The following SLC8A1 variants were observed in gnomAD, a reference collection of about 807,000 sequenced individuals.
The protein encoded by SLC8A1 is solute carrier family 8 member A1.
Under a neutral mutation model 68.3 loss-of-function variants are expected in SLC8A1, and 18 were observed. That is an observed-to-expected ratio of 0.26 (90% CI 0.18 to 0.39). The LOEUF is 0.39. Among genes scored for constraint, SLC8A1 ranks in the 10% least tolerant of loss-of-function variants. SLC8A1 has a pLI of 1.00. For synonymous variants in SLC8A1, 475 were observed against 415.5 expected (o/e 1.14, Z -1.74); for missense variants, 985 against 1,156.7 (o/e 0.85, Z 2.15).
In SLC8A1 at chr2:40,356,537, G is replaced by A. The variant is rs575306330; in HGVS notation, c.1808+71936C>T. 4.0e-5 allele frequency among the ~76,000 whole-genome samples: 6 copies of A among 151,444 alleles called. No homozygotes were observed. The East Asian group carries it at 1.2e-3, about 29-fold the overall frequency. ...AGAAGATACCAAGAAAAAAAAAACT[G>A]CCTTTCAAAGATATTGGATAATGTT... On this transcript the variant is annotated intron_variant, in intron 2 of 7. Transcript: ENST00000406785.
chr2:40,420,266 A>G (rs975795187), intron 2 of SLC8A1, among the ~76,000 whole-genome samples: 1 of 152,034 alleles, frequency 6.6e-6, no homozygotes, highest in Non-Finnish European at 1.5e-5. Context: ...GTCACAGAAT[A>G]TGTTTTAACC....
At chr2:40,382,058 G>T (rs1426290847) in intron 2 of SLC8A1, among the ~76,000 whole-genome samples, 1 of 152,032 alleles carries the variant, frequency 6.6e-6, no homozygotes, top group Non-Finnish European at 1.5e-5. Context: ...GATTTTCTGT[G>T]CAGCAAGCAG....
chr2:40,352,678 G>C (rs1329848405), intron 2 of SLC8A1, among the ~76,000 whole-genome samples: 2 of 152,208 alleles, frequency 1.3e-5, no homozygotes, highest in Non-Finnish European at 2.9e-5. Flanking sequence ...GCCTCCAAGA[G>C]TCGGCCTACT....
At chr2:40,278,962 G>A (rs1281689235) in intron 2 of SLC8A1, among the ~76,000 whole-genome samples, 1 of 152,020 alleles carries the variant, frequency 6.6e-6, no homozygotes. Flanking sequence ...GGGTCTTAAT[G>A]GTTATTCCAG....
At chr2:40,415,037 A>G (rs1219707643) in intron 2 of SLC8A1, among the ~76,000 whole-genome samples, 1 of 152,238 alleles carries the variant, frequency 6.6e-6, no homozygotes, top group Non-Finnish European at 1.5e-5. Context: ...ATGGACTCGT[A>G]TTTAAGGACA....
chr2:40,364,613 T>A (rs1675545324), intron 2 of SLC8A1, among the ~76,000 whole-genome samples: 1 of 151,990 alleles, frequency 6.6e-6, no homozygotes, highest in African/African-American at 2.4e-5. Flanking sequence ...ATAAACAGAT[T>A]CCTTTTGTTC....
At chr2:40,326,486 T>C (rs1186912067) in intron 2 of SLC8A1, among the ~76,000 whole-genome samples, 1 of 152,094 alleles carries the variant, frequency 6.6e-6, no homozygotes. Context: ...ATCAGAGAGT[T>C]ATCTTACTGT....
intron 1 of SLC8A1, among the ~76,000 whole-genome samples, chr2:40,449,347 T>C (rs1392778882): frequency 6.6e-6 from 1 of 152,196 alleles, no homozygotes; most frequent in Admixed American, 6.5e-5. Context: ...ATAGATTGAA[T>C]ACTAAGAGGA....
intron 2 of SLC8A1, among the ~76,000 whole-genome samples, chr2:40,242,968 T>C (rs877099): frequency 0.59 from 90,351 of 152,122 alleles, 30,101 homozygotes; most frequent in Non-Finnish European, 0.77. Flanking sequence ...TTCCTAAATC[T>C]GAGATCATTG....
chr2:40,281,249 T>TA (rs143887392), intron 2 of SLC8A1, among the ~76,000 whole-genome samples: 10,174 of 150,932 alleles, frequency 0.067, 900 homozygotes, highest in African/African-American at 0.21. Flanking sequence ...GTCATGTATT[T>TA]AAAAAAAAAG....
chr2:40,358,335 C>G (rs528787647), intron 2 of SLC8A1, among the ~76,000 whole-genome samples: 8 of 151,432 alleles, frequency 5.3e-5, no homozygotes, highest in African/African-American at 1.9e-4. Flanking sequence ...TAAAAAATGT[C>G]CTTGTAGAAA....
chr2:40,107,719 C>G (rs1277179375), exon 8 of SLC8A1: 1 of 152,114 alleles, frequency 6.6e-6, no homozygotes, highest in African/African-American at 2.4e-5. Flanking sequence ...CTAGGACAAT[C>G]CTAGACATAC....
chr2:40,220,890 A>G (rs2058234911), intron 2 of SLC8A1, among the ~76,000 whole-genome samples: 3 of 151,950 alleles, frequency 2.0e-5, no homozygotes, highest in Admixed American at 2.0e-4. Flanking sequence ...AAAAAGTCCT[A>G]TCAACCAAAA....
intron 2 of SLC8A1, among the ~76,000 whole-genome samples, chr2:40,269,553 T>C (rs10190842): frequency 0.26 from 39,538 of 152,048 alleles, 5,484 homozygotes; most frequent in Admixed American, 0.36. Context: ...CATAGGTTCA[T>C]GACCTGAAGA....
intron 2 of SLC8A1, among the ~76,000 whole-genome samples, chr2:40,380,646 G>T (rs749286994): frequency 8.6e-5 from 13 of 151,972 alleles, no homozygotes; most frequent in Non-Finnish European, 1.5e-4. Context: ...AGTAGCTTAC[G>T]GCAAGTGATG....
In SLC8A1 at chr2:40,289,581, T is replaced by C. The variant is rs144955931; in HGVS notation, c.1809-111726A>G. Among the ~76,000 whole-genome samples, 574 of 152,208 alleles carry C rather than the reference T, an allele frequency of 3.8e-3. 4 individuals are homozygous for C. Among genetic ancestry groups the C allele is most frequent in the African/African-American group, 0.013 (550 of 41,534 alleles). On this transcript the variant is annotated intron_variant, in intron 2 of 7. Transcript: ENST00000406785. ...AAAAAGAGGAAACAGCCCAGTGCAG[T>C]GGCTCATGGCTGTAATCCCAACACT...
intron 2 of SLC8A1, among the ~76,000 whole-genome samples, chr2:40,361,239 G>T (rs1382685590): frequency 1.3e-5 from 2 of 152,156 alleles, no homozygotes; most frequent in Non-Finnish European, 2.9e-5. Flanking sequence ...CTTGCTAGGA[G>T]TTCACATAAT....
At chr2:40,318,910 G>C (rs1428585773) in intron 2 of SLC8A1, among the ~76,000 whole-genome samples, 3 of 151,976 alleles carry the variant, frequency 2.0e-5, no homozygotes, top group Non-Finnish European at 4.4e-5. Flanking sequence ...GGGTAAAATT[G>C]CTATCTGGGG....
chr2:40,137,546 A>G (rs1485920749), intron 7 of SLC8A1, among the ~76,000 whole-genome samples: 1 of 152,130 alleles, frequency 6.6e-6, no homozygotes, highest in African/African-American at 2.4e-5. Flanking sequence ...TCCTATAATT[A>G]CCTCAGATAG....
Sources: allele counts gnomAD v4.1 joint callset (sites outside exome capture counted in the v4.1 genomes callset), GRCh38; gene constraint gnomAD v4.1.1; transcripts MANE v1.5; gene names NCBI Gene and HGNC (gene_info 2026-07-23, HGNC 2026-07-21).